DOCK9: variants seen among roughly 807,000 people sequenced by gnomAD.
DOCK9 encodes the protein dedicator of cytokinesis 9.
In DOCK9, 89 loss-of-function variants were observed where a neutral mutation model predicts 263.3. That is an observed-to-expected ratio of 0.34 (90% CI 0.28 to 0.40). The LOEUF is 0.40. DOCK9 is among the 10% of genes least tolerant of loss of function. The probability of loss-of-function intolerance (pLI) is 1.00; values close to 1 mark genes in which losing one functional copy is unlikely to be tolerated. For missense variants in DOCK9, 2,140 were observed against 2,603.4 expected (o/e 0.82, Z 3.87); for synonymous variants, 976 against 973.1 (o/e 1.00, Z -0.06).
intron 1 of DOCK9, among the ~76,000 whole-genome samples, chr13:99,060,091 T>TTTTTTTTTTTTTTTTG: frequency 8.4e-6 from 1 of 119,506 alleles, no homozygotes; most frequent in African/African-American, 3.0e-5. Context: ...TTTTTTTTTT[T>TTTTTTTTTTTTTTTTG]GAGATGGAGT....
chr13:99,049,202 TA>T (rs1275877287), intron 1 of DOCK9, among the ~76,000 whole-genome samples: 1 of 152,214 alleles, frequency 6.6e-6, no homozygotes, highest in African/African-American at 2.4e-5. Flanking sequence ...TAAATGGTAA[TA>T]CTGTTCATCT....
chr13:98,808,799 G>T (rs1297558425), intron 47 of DOCK9: 1 of 710,680 alleles, frequency 1.4e-6, no homozygotes, highest in East Asian at 2.8e-5. Context: ...GGACTCGAAG[G>T]TTAAAATTTA....
At chr13:98,850,255 C>G in intron 35 of DOCK9, 142 bp from the exon 36 acceptor site, 1 of 549,332 alleles carries the variant, frequency 1.8e-6, no homozygotes, top group Non-Finnish European at 3.2e-6. Flanking sequence ...CCCCTGCCCT[C>G]TTTTATAGCT....
intron 31 of DOCK9, 25 bp from the exon 32 acceptor site, chr13:98,863,157 G>C (rs1207022866): frequency 1.9e-6 from 3 of 1,578,990 alleles, no homozygotes; most frequent in African/African-American, 1.3e-5. Flanking sequence ...CACATGGTAA[G>C]TTTGACCCAG....
chr13:98,830,599 G>A (rs2092721170), intron 41 of DOCK9, among the ~76,000 whole-genome samples: 1 of 152,164 alleles, frequency 6.6e-6, no homozygotes. Flanking sequence ...ACTGTGGCCT[G>A]GAACATGCTC....
chr13:98,927,289 TCA>T (rs1256674012), intron 3 of DOCK9, among the ~76,000 whole-genome samples: 1 of 152,254 alleles, frequency 6.6e-6, no homozygotes, highest in East Asian at 1.9e-4. Flanking sequence ...TATCATACAT[TCA>T]CACTCAAAAT....
rs187731133 is a variant in DOCK9, at chr13:98,804,545, G to A, written c.5725+454C>T. On this transcript the variant is annotated intron_variant, in intron 49 of 52. Coordinates refer to ENST00000682017, the MANE Select transcript of DOCK9 (RefSeq NM_001366683.2). ...GCCCCCGGGGGCAACAGCGTGGGGC[G>A]ATCCAAGCTCACATCCCATTTACTC... 1.4e-4 allele frequency among the ~76,000 whole-genome samples: 21 copies of A among 152,178 alleles called. 1 individual carries two copies. The East Asian group carries it at 3.5e-3, about 25-fold the overall frequency.
intron 4 of DOCK9, among the ~76,000 whole-genome samples, chr13:98,924,118 A>G (rs1277603549): frequency 6.6e-6 from 1 of 152,250 alleles, no homozygotes; most frequent in Non-Finnish European, 1.5e-5. Context: ...GGATCAACAA[A>G]GATGGGTTAA....
At chr13:98,794,803 T>A (rs2089146197) in intron 52 of DOCK9, 55 bp from the exon 53 acceptor site, 1 of 1,582,646 alleles carries the variant, frequency 6.3e-7, no homozygotes, top group Middle Eastern at 1.7e-4. Context: ...CCATATGCAA[T>A]GCCATGTTGC....
At chr13:98,815,771 G>A (rs1216937690) in intron 45 of DOCK9, among the ~76,000 whole-genome samples, 4 of 152,192 alleles carry the variant, frequency 2.6e-5, no homozygotes, top group Admixed American at 6.5e-5. Flanking sequence ...GTGAGCCACC[G>A]CGCCCGGCCG....
At chr13:98,896,842 C>A (rs1293139754) in intron 15 of DOCK9, among the ~76,000 whole-genome samples, 1 of 152,172 alleles carries the variant, frequency 6.6e-6, no homozygotes, top group Non-Finnish European at 1.5e-5. Context: ...AAGTCCCAAC[C>A]CTTTGTACCT....
At chr13:98,854,104 T>A (rs1226278932) in intron 34 of DOCK9, among the ~76,000 whole-genome samples, 2 of 152,126 alleles carry the variant, frequency 1.3e-5, no homozygotes, top group African/African-American at 2.4e-5. Context: ...CAGCACAGCA[T>A]GGCCAGAGGT....
chr13:99,086,850 G>T (rs1172101214), upstream of DOCK9, among the ~76,000 whole-genome samples: 1 of 150,934 alleles, frequency 6.6e-6, no homozygotes, highest in East Asian at 2.0e-4. Context: ...CACTGGGGAA[G>T]GTGGGGGGTC....
At chr13:99,022,712 G>A (rs1022009942) in intron 1 of DOCK9, among the ~76,000 whole-genome samples, 4 of 152,188 alleles carry the variant, frequency 2.6e-5, no homozygotes, top group Non-Finnish European at 5.9e-5. Context: ...GGAGTCTGAG[G>A]CAGGAGGATC....
chr13:99,079,901 G>A (rs1424523286), intron 1 of DOCK9, among the ~76,000 whole-genome samples: 1 of 152,166 alleles, frequency 6.6e-6, no homozygotes, highest in East Asian at 1.9e-4. Flanking sequence ...TTAGCCGGGT[G>A]TGGTGGCACA....
chr13:98,821,351 C>T (rs2092264675), intron 45 of DOCK9, among the ~76,000 whole-genome samples: 1 of 152,154 alleles, frequency 6.6e-6, no homozygotes, highest in African/African-American at 2.4e-5. Context: ...CAGGTCCTGC[C>T]AGGTGGTCCT....
intron 15 of DOCK9, among the ~76,000 whole-genome samples, chr13:98,889,416 AT>A: frequency 6.6e-6 from 1 of 152,172 alleles, no homozygotes; most frequent in Non-Finnish European, 1.5e-5. Flanking sequence ...AAAACATACA[AT>A]CATCACCATC....
At chr13:99,064,692 G>A (rs2041340379) in intron 1 of DOCK9, among the ~76,000 whole-genome samples, 1 of 152,180 alleles carries the variant, frequency 6.6e-6, no homozygotes, top group African/African-American at 2.4e-5. Flanking sequence ...AGCATGGAAA[G>A]GACATTCCTG....
In DOCK9 at chr13:98,881,611, C is replaced by T. The variant is rs1325680950; in HGVS notation, c.2692G>A (p.Val898Ile). Residue 898 changes from valine (V) to isoleucine (I), a missense_variant, in exon 25 of 53, where the codon GTT becomes ATT. Val to Ile is a conservative substitution (Grantham distance 29). This residue lies in a region of DOCK9 where 1,521 missense variants were observed against 1,741.7 expected (regional missense o/e 0.87). Transcript: ENST00000682017. Reference sequence around the variant, plus strand: ...AATCCTTCCTCATGGCACTGGGCAACCACATGAATAATGACCCTACACACC... The same window carrying T: ...AATCCTTCCTCATGGCACTGGGCAATCACATGAATAATGACCCTACACACC... ...VNVTRVIIHV[V>I]AQCHEEGLES... The T allele has an allele frequency of 6.2e-7, 1 of 1,608,956 alleles. No homozygotes were observed. The highest frequency in any genetic ancestry group is 8.5e-7 in the Non-Finnish European group (1 of 1,177,780).
Sources: gnomAD v4.1 joint callset for allele counts (sites outside exome capture counted in the v4.1 genomes callset) on GRCh38, gnomAD v4.1.1 for gene constraint, gnomAD v4.1.1 regional missense constraint, MANE v1.5 for transcripts, NCBI Gene and HGNC (gene_info 2026-07-23, HGNC 2026-07-21) for gene names.